CGNL1: variants seen among roughly 807,000 people sequenced by gnomAD.
CGNL1 encodes cingulin like 1, also known as cingulin-like protein 1.
In CGNL1, 132 loss-of-function variants were observed where a neutral mutation model predicts 141.2. The ratio of observed to expected loss-of-function variants is 0.93; its 90% CI spans 0.81 to 1.08. The LOEUF is 1.08. Ranked by LOEUF, CGNL1 falls within the 50% of genes least tolerant of loss-of-function variation. The pLI, the probability that CGNL1 is intolerant of heterozygous loss-of-function variation, is 0.00. For missense variants in CGNL1, 1,870 were observed against 1,588.6 expected (o/e 1.18, Z -3.01); for synonymous variants, 690 against 622.1 (o/e 1.11, Z -1.63).
intron 14 of CGNL1, among the ~76,000 whole-genome samples, chr15:57,534,416 G>A (rs2032135432): frequency 6.6e-6 from 1 of 152,222 alleles, no homozygotes; most frequent in South Asian, 2.1e-4. Flanking sequence ...CTCCTGACTT[G>A]TGAGGGAGGG....
At chr15:57,452,086 G>T in intron 5 of CGNL1, 55 bp from the exon 6 acceptor site, 1 of 1,492,738 alleles carries the variant, frequency 6.7e-7, no homozygotes, top group South Asian at 1.3e-5. Context: ...AGGCTTCTGT[G>T]GGGTTACGTT....
intron 1 of CGNL1, among the ~76,000 whole-genome samples, chr15:57,380,415 C>A (rs73421409): frequency 6.6e-6 from 1 of 152,030 alleles, no homozygotes; most frequent in African/African-American, 2.4e-5. Context: ...CCTTAAGGGG[C>A]CTGAGTCAGG....
At chr15:57,514,964 C>G (rs1328917004) in intron 8 of CGNL1, among the ~76,000 whole-genome samples, 7 of 152,080 alleles carry the variant, frequency 4.6e-5, no homozygotes, top group Non-Finnish European at 8.8e-5. Flanking sequence ...ATTTATATGC[C>G]TTCCCTCATG....
intron 1 of CGNL1, chr15:57,402,630 T>C (rs1706382): frequency 0.98 from 149,142 of 152,306 alleles, 73,097 homozygotes; most frequent in Middle Eastern, 1. Context: ...CCTAACCTAA[T>C]GAATACCCCT....
At chr15:57,546,486 T>C (rs772191748) in intron 18 of CGNL1, among the ~76,000 whole-genome samples, 17 of 152,294 alleles carry the variant, frequency 1.1e-4, no homozygotes, top group Non-Finnish European at 1.9e-4. Flanking sequence ...ATATCATCCC[T>C]GTTGATCATA....
At chr15:57,504,311 T>C (rs1023088617) in intron 8 of CGNL1, among the ~76,000 whole-genome samples, 5 of 152,174 alleles carry the variant, frequency 3.3e-5, no homozygotes, top group Non-Finnish European at 7.4e-5. Context: ...GTTGACGGGC[T>C]CAGAGTTGCA....
intron 8 of CGNL1, among the ~76,000 whole-genome samples, chr15:57,503,035 G>A (rs1209154909): frequency 6.6e-6 from 1 of 152,228 alleles, no homozygotes; most frequent in Non-Finnish European, 1.5e-5. Context: ...ACCGCCTAAG[G>A]ACGCACCATG....
chr15:57,471,018 C>T (rs2063575125), intron 8 of CGNL1, among the ~76,000 whole-genome samples: 1 of 152,184 alleles, frequency 6.6e-6, no homozygotes, highest in Non-Finnish European at 1.5e-5. Context: ...ACTTTGTACC[C>T]AACTTCTTTT....
chr15:57,523,054 A>G (rs1363825852), intron 10 of CGNL1, among the ~76,000 whole-genome samples: 2 of 152,238 alleles, frequency 1.3e-5, no homozygotes, highest in Non-Finnish European at 2.9e-5. Flanking sequence ...TGTAAGAACC[A>G]TCTGCATAGC....
chr15:57,391,171 T>C (rs2062538614), intron 1 of CGNL1, among the ~76,000 whole-genome samples: 1 of 152,214 alleles, frequency 6.6e-6, no homozygotes, highest in Non-Finnish European at 1.5e-5. Flanking sequence ...GGTCTGTCTT[T>C]CCACACCCTG....
chr15:57,481,064 G>GTT (rs11298152), intron 8 of CGNL1, among the ~76,000 whole-genome samples: 1,316 of 116,032 alleles, frequency 0.011, 19 homozygotes, highest in African/African-American at 0.031. Flanking sequence ...AAGACCTGGG[G>GTT]TTTTTTTTTT....
intron 7 of CGNL1, among the ~76,000 whole-genome samples, chr15:57,457,075 A>G (rs1159977036): frequency 6.6e-6 from 1 of 152,230 alleles, no homozygotes; most frequent in Non-Finnish European, 1.5e-5. Context: ...TGGAACAAAA[A>G]AATGACAGAA....
At chr15:57,391,973 T>TC (rs5812892) in intron 1 of CGNL1, among the ~76,000 whole-genome samples, 101,661 of 149,474 alleles carry the variant, frequency 0.68, 35,529 homozygotes, top group East Asian at 0.82. Flanking sequence ...CATTTTTCTT[T>TC]CCCCCCCCTC....
intron 1 of CGNL1, among the ~76,000 whole-genome samples, chr15:57,408,715 C>T (rs1041012646): frequency 1.5e-4 from 23 of 151,956 alleles, no homozygotes; most frequent in Admixed American, 5.9e-4. Flanking sequence ...TTCGTAGACG[C>T]CCTTTTTATA....
chr15:57,511,657 G>C (rs2030316940), intron 8 of CGNL1, among the ~76,000 whole-genome samples: 1 of 152,162 alleles, frequency 6.6e-6, no homozygotes, highest in Non-Finnish European at 1.5e-5. Context: ...CTGCCTCATA[G>C]CTGAAAAAAT....
chr15:57,531,090 A>C (rs1441034832), intron 13 of CGNL1, among the ~76,000 whole-genome samples: 1 of 152,204 alleles, frequency 6.6e-6, no homozygotes, highest in African/African-American at 2.4e-5. Flanking sequence ...ACACTCAATT[A>C]GGTTAGATTA....
chr15:57,401,235 A>C (rs1236652421), intron 1 of CGNL1, among the ~76,000 whole-genome samples: 1 of 152,216 alleles, frequency 6.6e-6, no homozygotes, highest in Middle Eastern at 3.2e-3. Flanking sequence ...TATTTGGACT[A>C]TTATAAATAC....
intron 8 of CGNL1, among the ~76,000 whole-genome samples, chr15:57,485,870 A>T (rs190479082): frequency 6.6e-6 from 1 of 152,148 alleles, no homozygotes; most frequent in Non-Finnish European, 1.5e-5. Context: ...CCAGATGCTG[A>T]TTTAAAAGGA....
In CGNL1 at chr15:57,445,420, G is replaced by A. The variant is rs2063238777; in HGVS notation, c.1803+2942G>A. Among the ~76,000 whole-genome samples the A allele has an allele frequency of 2.0e-5, 3 of 152,072 alleles. No homozygotes were observed. The South Asian group carries it at 6.2e-4, about 32-fold the overall frequency. On this transcript the variant is annotated intron_variant, in intron 4 of 18. Transcript: ENST00000281282. ...TAGGTTTGGAATCTGATTACTTGCT[G>A]GCAAAGGTTTTAGAGTTTTATCTTT...
Sources: allele counts gnomAD v4.1 joint callset (sites outside exome capture counted in the v4.1 genomes callset), GRCh38; gene constraint gnomAD v4.1.1; transcripts MANE v1.5; gene names NCBI Gene and HGNC (gene_info 2026-07-23, HGNC 2026-07-21).